The following RALA variants were observed in gnomAD, a reference collection of about 807,000 sequenced individuals.
The protein encoded by RALA is ras-related protein Ral-A.
In RALA, 5 loss-of-function variants were observed where a neutral mutation model predicts 24.0. The ratio of observed to expected loss-of-function variants is 0.21; its 90% confidence interval spans 0.11 to 0.44. The LOEUF is 0.44. RALA is among the 20% of genes least tolerant of loss of function. The probability of loss-of-function intolerance (pLI) is 0.99; values close to 1 mark genes in which losing one functional copy is unlikely to be tolerated. For missense variants in RALA, 95 were observed against 241.2 expected (o/e 0.39, Z 4.01); for synonymous variants, 77 against 83.8 (o/e 0.92, Z 0.44).
At chr7:39,631,608 C>G (rs1331664874) in intron 1 of RALA, among the ~76,000 whole-genome samples, 1 of 152,198 alleles carries the variant, frequency 6.6e-6, no homozygotes. Context: ...ACTTTTGTGT[C>G]TTTGAGGAAT....
intron 1 of RALA, among the ~76,000 whole-genome samples, chr7:39,682,344 TC>T (rs1201779297): frequency 1.3e-5 from 2 of 152,182 alleles, no homozygotes; most frequent in Non-Finnish European, 2.9e-5. Context: ...CAAGCCTCTG[TC>T]CTCTCTTGCA....
intron 1 of RALA, among the ~76,000 whole-genome samples, chr7:39,641,263 A>G (rs1026192935): frequency 3.9e-5 from 6 of 152,190 alleles, no homozygotes; most frequent in African/African-American, 7.2e-5. Context: ...TACCTGGACT[A>G]TTTTTGAAAA....
intron 1 of RALA, among the ~76,000 whole-genome samples, chr7:39,648,931 C>T (rs1261128366): frequency 3.3e-5 from 5 of 152,056 alleles, no homozygotes; most frequent in Admixed American, 1.3e-4. Flanking sequence ...TGGTGGCATG[C>T]GCCTGTAATC....
chr7:39,641,320 T>G (rs1791812644), intron 1 of RALA, among the ~76,000 whole-genome samples: 1 of 152,260 alleles, frequency 6.6e-6, no homozygotes, highest in Non-Finnish European at 1.5e-5. Context: ...CAGACTTTAC[T>G]AATAGCACCA....
At chr7:39,655,669 A>G (rs947203705) in intron 1 of RALA, among the ~76,000 whole-genome samples, 3 of 152,132 alleles carry the variant, frequency 2.0e-5, no homozygotes, top group African/African-American at 7.2e-5. Flanking sequence ...TTTGGAAAAT[A>G]ATTGATTGTT....
At chr7:39,687,856 G>A (rs1792736046) in intron 2 of RALA, among the ~76,000 whole-genome samples, 1 of 152,176 alleles carries the variant, frequency 6.6e-6, no homozygotes, top group African/African-American at 2.4e-5. Context: ...GATCTGTGAT[G>A]AGCAACAAAG....
intron 3 of RALA, among the ~76,000 whole-genome samples, chr7:39,693,420 G>C (rs1266653806): frequency 1.3e-5 from 2 of 152,152 alleles, no homozygotes; most frequent in African/African-American, 2.4e-5. Context: ...GCCTATCGTG[G>C]GGTGGGGGAC....
intron 1 of RALA, among the ~76,000 whole-genome samples, chr7:39,684,712 TAAAAAAAA>T (rs34582850): frequency 9.1e-6 from 1 of 110,412 alleles, no homozygotes; most frequent in African/African-American, 3.6e-5. Flanking sequence ...GCTGATGAGC[TAAAAAAAA>T]AAAAAAAAGA....
At chr7:39,684,815 G>T (rs1487428243) in intron 1 of RALA, among the ~76,000 whole-genome samples, 1 of 152,084 alleles carries the variant, frequency 6.6e-6, no homozygotes, top group African/African-American at 2.4e-5. Context: ...ACGGGCCACA[G>T]GTTGGACAAG....
intron 1 of RALA, among the ~76,000 whole-genome samples, chr7:39,635,465 T>G (rs1255449532): frequency 6.6e-6 from 1 of 152,166 alleles, no homozygotes; most frequent in African/African-American, 2.4e-5. Context: ...TTCATTACTT[T>G]CAAAAAGAAA....
chr7:39,630,339 A>G (rs571506023), intron 1 of RALA, among the ~76,000 whole-genome samples: 1 of 149,402 alleles, frequency 6.7e-6, no homozygotes, highest in Middle Eastern at 3.6e-3. Context: ...GGCATGAGCT[A>G]TCGTGCCCGA....
intron 1 of RALA, among the ~76,000 whole-genome samples, chr7:39,643,462 T>G (rs996033431): frequency 5.3e-5 from 8 of 152,194 alleles, no homozygotes; most frequent in Non-Finnish European, 1.0e-4. Flanking sequence ...GGCTCATACC[T>G]CTAACCCCAG....
chr7:39,695,936 A>G (rs770267873), intron 3 of RALA, among the ~76,000 whole-genome samples: 36 of 152,146 alleles, frequency 2.4e-4, no homozygotes, highest in Non-Finnish European at 4.6e-4. Flanking sequence ...CATTTTTTGA[A>G]TATTTACTCT....
At position 39,671,201 on chromosome 7, in the gene RALA, T is replaced by A. The variant is rs1165836897; in HGVS notation, c.-37-15430T>A. 2.6e-5 allele frequency among the ~76,000 whole-genome samples: 4 copies of A among 152,194 alleles called. No individual in the cohort carries two copies. The East Asian group carries it at 7.7e-4, about 29-fold the overall frequency. ...CAGTCTCTTTTTTTAAAACTCCTGG[T>A]GCTTCTCCATTGCTCTAAGGATAAA... On this transcript the variant is annotated intron_variant, in intron 1 of 4. Transcript: ENST00000005257.
intron 1 of RALA, among the ~76,000 whole-genome samples, chr7:39,675,535 C>T (rs1373973357): frequency 1.3e-5 from 2 of 152,052 alleles, no homozygotes; most frequent in African/African-American, 2.4e-5. Context: ...CGTTCAAGAC[C>T]AGCCTGGGCA....
intron 1 of RALA, among the ~76,000 whole-genome samples, chr7:39,659,046 G>A (rs1042789134): frequency 2.6e-5 from 4 of 152,124 alleles, no homozygotes; most frequent in African/African-American, 9.7e-5. Context: ...TTGGGAGGCC[G>A]AGGCAGGCAG....
intron 1 of RALA, among the ~76,000 whole-genome samples, chr7:39,624,721 C>T (rs996759822): frequency 2.0e-5 from 3 of 152,028 alleles, no homozygotes; most frequent in African/African-American, 7.3e-5. Flanking sequence ...CCACGCCCTA[C>T]GTGTCAAGCT....
At chr7:39,675,515 C>T (rs1040117002) in intron 1 of RALA, among the ~76,000 whole-genome samples, 3 of 152,094 alleles carry the variant, frequency 2.0e-5, no homozygotes, top group Non-Finnish European at 4.4e-5. Context: ...GAGGATCGCT[C>T]GAGCCCAGGC....
chr7:39,647,105 C>T (rs1791939034), intron 1 of RALA, among the ~76,000 whole-genome samples: 1 of 152,134 alleles, frequency 6.6e-6, no homozygotes, highest in Non-Finnish European at 1.5e-5. Flanking sequence ...TGCAGTGGCA[C>T]AGTCATGGCT....
Sources: allele counts gnomAD v4.1 joint callset (sites outside exome capture counted in the v4.1 genomes callset), GRCh38; gene constraint gnomAD v4.1.1; transcripts MANE v1.5; gene names NCBI Gene and HGNC (gene_info 2026-07-23, HGNC 2026-07-21).